Variants in ATP10A observed in about 807,000 individuals in gnomAD.
ATP10A encodes phospholipid-transporting ATPase VA.
A neutral mutation model predicts 147.8 loss-of-function variants in ATP10A; 111 were observed. That is an observed-to-expected ratio of 0.75 (90% CI 0.64 to 0.88). ATP10A has a LOEUF of 0.88. Among genes scored for constraint, ATP10A ranks in the 40% least tolerant of loss-of-function variants. The pLI, the probability that ATP10A is intolerant of heterozygous loss-of-function variation, is 0.00. For missense variants in ATP10A, 1,927 were observed against 1,959.0 expected (o/e 0.98, Z 0.31); for synonymous variants, 875 against 841.6 (o/e 1.04, Z -0.69).
intron 1 of ATP10A, among the ~76,000 whole-genome samples, chr15:25,788,617 C>A (rs8042764): frequency 0.23 from 35,543 of 152,140 alleles, 4,853 homozygotes; most frequent in South Asian, 0.38. Context: ...TTTTGACTAA[C>A]ACAATCAGAA....
At chr15:25,837,167 A>C (rs897169633) in intron 1 of ATP10A, among the ~76,000 whole-genome samples, 5 of 152,174 alleles carry the variant, frequency 3.3e-5, no homozygotes, top group African/African-American at 1.2e-4. Flanking sequence ...TATTAGCTTC[A>C]GTCCTCATGC....
At chr15:25,777,038 C>G (rs1376343033) in intron 2 of ATP10A, among the ~76,000 whole-genome samples, 1 of 152,000 alleles carries the variant, frequency 6.6e-6, no homozygotes, top group East Asian at 1.9e-4. Context: ...GTATTGGTCC[C>G]ATGGCTGGTC....
intron 1 of ATP10A, among the ~76,000 whole-genome samples, chr15:25,857,418 G>A (rs1235893704): frequency 6.6e-6 from 1 of 152,180 alleles, no homozygotes; most frequent in Non-Finnish European, 1.5e-5. Context: ...CTGTACTCCA[G>A]CCTAGGCAAC....
rs1012388019 is a variant in ATP10A, at chr15:25,691,860, G to C, written c.3089-69C>G. On this transcript the variant is annotated intron_variant, in intron 14 of 20. Coordinates refer to ENST00000555815, the MANE Select transcript of ATP10A (RefSeq NM_024490.4). ...AGCACAGAATCAAATCAATGTGCTA[G>C]ATTTTCTTGGGAGTCCCCGCTGAAC... 7.0e-5 allele frequency: 112 copies of C among 1,591,266 alleles called. No individual in the cohort carries two copies. The Middle Eastern group carries it at 1.0e-3, about 14-fold the overall frequency.
At chr15:25,829,694 G>A (rs1048114217) in intron 1 of ATP10A, among the ~76,000 whole-genome samples, 3 of 152,156 alleles carry the variant, frequency 2.0e-5, no homozygotes, top group Non-Finnish European at 4.4e-5. Context: ...AACTAGGCAG[G>A]AGCCAGGAGA....
intron 2 of ATP10A, among the ~76,000 whole-genome samples, chr15:25,744,258 A>C (rs968742907): frequency 6.6e-6 from 1 of 152,146 alleles, no homozygotes; most frequent in Non-Finnish European, 1.5e-5. Flanking sequence ...TGAAAAATGG[A>C]GTATAATAAT....
rs1290931421 is a variant in ATP10A at position 25,714,048 on chromosome 15, C to T, written c.1970G>A (p.Arg657Lys). The T allele has an allele frequency of 6.2e-7, 1 of 1,612,364 alleles. No homozygotes were observed. The highest frequency in any genetic ancestry group is 8.5e-7 in the Non-Finnish European group (1 of 1,179,982). Residue 657 changes from arginine to lysine, a missense_variant, in exon 10 of 21, where the codon AGG becomes AAG. Coordinates refer to ENST00000555815, the MANE Select transcript of ATP10A (RefSeq NM_024490.4). ...GATGGCCGAGGTGGGCTGGCCCAGC[C>T]TCTCCTCCAGCCTGAGAAGCATGCC... ...SDGMLLRLEE[R>K]LGQPTSAIAS...
At chr15:25,852,319 A>G (rs1249696122) in intron 1 of ATP10A, among the ~76,000 whole-genome samples, 2 of 152,118 alleles carry the variant, frequency 1.3e-5, no homozygotes, top group Admixed American at 6.6e-5. Flanking sequence ...ACTCCCTCCT[A>G]TTGAATGCCA....
intron 1 of ATP10A, among the ~76,000 whole-genome samples, chr15:25,856,720 G>A: frequency 6.6e-6 from 1 of 152,076 alleles, no homozygotes; most frequent in East Asian, 1.9e-4. Context: ...TCTCCTAATG[G>A]AAGTGCAGAA....
intron 1 of ATP10A, among the ~76,000 whole-genome samples, chr15:25,859,042 C>T (rs1229773032): frequency 1.3e-5 from 2 of 152,184 alleles, no homozygotes; most frequent in Non-Finnish European, 2.9e-5. Context: ...CCCCCCTCAC[C>T]CCTGCTGTGG....
intron 2 of ATP10A, among the ~76,000 whole-genome samples, chr15:25,750,905 G>GA (rs1287761531): frequency 1.3e-5 from 2 of 151,746 alleles, no homozygotes; most frequent in Non-Finnish European, 2.9e-5. Flanking sequence ...GCTAATGGGA[G>GA]AAAAAAGAAG....
At chr15:25,851,533 T>G (rs1893297411) in intron 1 of ATP10A, among the ~76,000 whole-genome samples, 1 of 152,168 alleles carries the variant, frequency 6.6e-6, no homozygotes, top group African/African-American at 2.4e-5. Context: ...ACATTGCCAT[T>G]TAAACAAAGA....
intron 1 of ATP10A, among the ~76,000 whole-genome samples, chr15:25,787,031 C>G (rs1890203713): frequency 6.6e-6 from 1 of 152,014 alleles, no homozygotes; most frequent in Non-Finnish European, 1.5e-5. Context: ...ATTTCACAGT[C>G]TCTCTCAGTG....
chr15:25,685,408 C>A (rs2140292190), intron 16 of ATP10A, among the ~76,000 whole-genome samples: 1 of 152,280 alleles, frequency 6.6e-6, no homozygotes, highest in East Asian at 1.9e-4. Context: ...ACCACTAGGG[C>A]CTTTGTTTGC....
At chr15:25,765,167 G>T (rs11161216) in intron 2 of ATP10A, among the ~76,000 whole-genome samples, 63,616 of 151,944 alleles carry the variant, frequency 0.42, 13,680 homozygotes, top group East Asian at 0.57. Flanking sequence ...CACAACACAG[G>T]GGGGCGGGGC....
chr15:25,698,683 T>C (rs1324589219), intron 13 of ATP10A, among the ~76,000 whole-genome samples: 1 of 152,184 alleles, frequency 6.6e-6, no homozygotes, highest in Non-Finnish European at 1.5e-5. Context: ...AATTTAAAAA[T>C]ACTACTTACA....
chr15:25,699,030 T>C (rs1169771936), intron 13 of ATP10A, among the ~76,000 whole-genome samples: 1 of 152,226 alleles, frequency 6.6e-6, no homozygotes, highest in Non-Finnish European at 1.5e-5. Flanking sequence ...CAAATTGATT[T>C]ATAAATTTAA....
At position 25,681,023 on chromosome 15, in the gene ATP10A, T is replaced by C; in HGVS notation, c.3544A>G (p.Ser1182Gly). The change falls in exon 18 of 21, where the codon AGC (serine) becomes GGC (glycine). Residue 1182 changes from serine (S) to glycine (G), a missense_variant. By Grantham distance (56) the Ser-to-Gly change is moderately conservative. Transcript: ENST00000555815. ...TAAGGAATGGAAAAGCAAACCAGGC[T>C]CTGGAAGGCGGCGTCGGCCATGTTA... ...WFNMADAAFQ[S>G]LVCFSIPYLA... is the part of the protein sequence containing the mutation. The C allele has an allele frequency of 1.2e-5, 19 of 1,614,080 alleles. No homozygotes were observed. The highest frequency in any genetic ancestry group is 1.6e-5 in the Non-Finnish European group (19 of 1,179,998).
chr15:25,776,751 G>A (rs949610577), intron 2 of ATP10A, among the ~76,000 whole-genome samples: 9 of 152,146 alleles, frequency 5.9e-5, no homozygotes, highest in African/African-American at 1.7e-4. Flanking sequence ...ACCGCCTTCC[G>A]GTTTTTGTTG....
Sources: gnomAD v4.1 joint callset for allele counts (sites outside exome capture counted in the v4.1 genomes callset) on GRCh38, gnomAD v4.1.1 for gene constraint, MANE v1.5 for transcripts, NCBI Gene and HGNC (gene_info 2026-07-23, HGNC 2026-07-21) for gene names.